The following ITGAM variants were observed in gnomAD, a reference collection of about 807,000 sequenced individuals.
The protein encoded by ITGAM is integrin alpha-M.
A neutral mutation model predicts 137.5 loss-of-function variants in ITGAM; 79 were observed. That is an observed-to-expected ratio of 0.57 (90% CI 0.48 to 0.69). The LOEUF (loss-of-function observed/expected upper bound fraction) is 0.69, where lower values mean the gene tolerates loss of function less well. Among genes scored for constraint, ITGAM ranks in the 30% least tolerant of loss-of-function variants. ITGAM has a pLI of 0.00. For missense variants in ITGAM, 1,343 were observed against 1,483.5 expected (o/e 0.91, Z 1.56); for synonymous variants, 583 against 592.3 (o/e 0.98, Z 0.23).
chr16:31,270,739 ATATATGT>A (rs2079828178), intron 5 of ITGAM, among the ~76,000 whole-genome samples: 1 of 112,692 alleles, frequency 8.9e-6, no homozygotes, highest in Non-Finnish European at 1.8e-5. Flanking sequence ...ATATATATAT[ATATATGT>A]TTTTAACGTG....
intron 9 of ITGAM, among the ~76,000 whole-genome samples, chr16:31,276,271 G>T (rs1250920542): frequency 6.6e-6 from 1 of 152,072 alleles, no homozygotes; most frequent in East Asian, 1.9e-4. Flanking sequence ...TCCTTTGTCT[G>T]TGGCCACCAG....
At position 31,273,385 on chromosome 16, in the gene ITGAM, C is replaced by A. The variant is rs749972434; in HGVS notation, c.725C>A (p.Thr242Asn). 1 of 1,613,704 alleles carries A rather than the reference C, an allele frequency of 6.2e-7. No homozygotes were observed. Among genetic ancestry groups the A allele is most frequent in the Admixed American group, 1.7e-5 (1 of 59,998 alleles). Residue 242 changes from threonine to asparagine, a missense_variant, in exon 8 of 30, where the codon ACC becomes AAC. Coordinates refer to ENST00000544665, the MANE Select transcript of ITGAM (RefSeq NM_000632.4). ...RKVVRELFNI[T>N]NGARKNAFKI... ...CACAGACGAGAGCTGTTTAACATCA[C>A]CAACGGAGCCCGAAAGAATGCCTTT... is the stretch of plus-strand genomic sequence containing the variant.
intron 14 of ITGAM, among the ~76,000 whole-genome samples, chr16:31,299,634 A>G (rs753001854): frequency 2.6e-5 from 4 of 152,092 alleles, no homozygotes; most frequent in Admixed American, 6.6e-5. Context: ...GATAACTCAT[A>G]TAAGTGAAAC....
intron 14 of ITGAM, among the ~76,000 whole-genome samples, chr16:31,304,226 A>C (rs1314440261): frequency 6.6e-6 from 1 of 151,574 alleles, no homozygotes; most frequent in Non-Finnish European, 1.5e-5. Context: ...GATGTTGAGC[A>C]TTTTTTTCAT....
intron 12 of ITGAM, among the ~76,000 whole-genome samples, chr16:31,289,847 C>T (rs866833984): frequency 4.6e-5 from 7 of 152,088 alleles, no homozygotes; most frequent in Middle Eastern, 3.4e-3. Context: ...TTTGGGAGGC[C>T]GAGGCAGGTG....
chr16:31,262,815 A>G (rs1341310572), intron 2 of ITGAM, among the ~76,000 whole-genome samples: 1 of 152,202 alleles, frequency 6.6e-6, no homozygotes, highest in Non-Finnish European at 1.5e-5. Flanking sequence ...TGGAGGTGAT[A>G]GTACCTTTCC....
At chr16:31,320,718 T>C (rs1284347048) in intron 14 of ITGAM, among the ~76,000 whole-genome samples, 2 of 152,252 alleles carry the variant, frequency 1.3e-5, no homozygotes, top group Non-Finnish European at 2.9e-5. Context: ...TTTTGCCACA[T>C]AGTAGCACTC....
intron 6 of ITGAM, 63 bp from the exon 7 acceptor site, chr16:31,271,784 C>T: frequency 1.9e-6 from 3 of 1,596,414 alleles, no homozygotes; most frequent in South Asian, 2.2e-5. Context: ...GTGGAGCTTG[C>T]TGGGAGATGT....
intron 5 of ITGAM, 49 bp from the exon 6 acceptor site, chr16:31,270,905 A>G (rs752001448): frequency 3.7e-6 from 5 of 1,359,254 alleles, no homozygotes; most frequent in East Asian, 2.7e-5. Flanking sequence ...AAAAACCCAA[A>G]ACACCAAGTG....
chr16:31,320,005 G>C (rs2080432416), intron 14 of ITGAM, among the ~76,000 whole-genome samples: 1 of 151,952 alleles, frequency 6.6e-6, no homozygotes, highest in South Asian at 2.1e-4. Flanking sequence ...ATAGAGATGG[G>C]GTTTCACCAC....
intron 14 of ITGAM, among the ~76,000 whole-genome samples, chr16:31,312,502 C>T (rs1413588508): frequency 6.6e-6 from 1 of 152,182 alleles, no homozygotes; most frequent in African/African-American, 2.4e-5. Flanking sequence ...TCATGGCTCA[C>T]TGCAGCCTTG....
chr16:31,310,860 CA>C (rs1462315671), intron 14 of ITGAM, among the ~76,000 whole-genome samples: 1 of 152,160 alleles, frequency 6.6e-6, no homozygotes, highest in Non-Finnish European at 1.5e-5. Context: ...TGGTGACGTA[CA>C]GATGGGTTTT....
At chr16:31,316,755 C>G (rs757738863) in intron 14 of ITGAM, among the ~76,000 whole-genome samples, 6 of 152,050 alleles carry the variant, frequency 3.9e-5, no homozygotes, top group Non-Finnish European at 5.9e-5. Context: ...GGATATCTTT[C>G]CATTGATTTT....
intron 14 of ITGAM, among the ~76,000 whole-genome samples, chr16:31,318,014 T>C (rs1032919795): frequency 2.0e-5 from 3 of 152,168 alleles, no homozygotes; most frequent in Non-Finnish European, 4.4e-5. Flanking sequence ...AATGTTTGGT[T>C]GGTAGAATTT....
At chr16:31,281,452 G>T (rs7198478) in intron 12 of ITGAM, among the ~76,000 whole-genome samples, 9,039 of 151,910 alleles carry the variant, frequency 0.06, 921 homozygotes, top group African/African-American at 0.21. Context: ...TCTTGGGAGG[G>T]TGTATGTGTC....
At chr16:31,271,216 C>T (rs1405270475) in intron 6 of ITGAM, 132 bp downstream of exon 6, 5 of 696,722 alleles carry the variant, frequency 7.2e-6, no homozygotes, top group Non-Finnish European at 1.1e-5. Context: ...GGTTTGCCTT[C>T]CTGAGTCTCT....
Position 31,324,945 on chromosome 16 carries a change from T to C in ITGAM, c.2290-13T>C. Reference sequence around the variant, plus strand: ...TTCTTTCCTTTCATTTGATCATATTTATTTTTTAAAAGTTTCCCTTTGAGA... The same window carrying C: ...TTCTTTCCTTTCATTTGATCATATTCATTTTTTAAAAGTTTCCCTTTGAGA... On this transcript the variant is annotated splice_polypyrimidine_tract_variant and intron_variant, in intron 18 of 29. Coordinates refer to ENST00000544665, the MANE Select transcript of ITGAM (RefSeq NM_000632.4). This position sits in a 1 kb window ranked among gnomAD's most constrained non-coding sequence, Gnocchi z 4.5. The C allele has an allele frequency of 1.2e-6, 2 of 1,603,516 alleles. No homozygotes were observed. The highest frequency in any genetic ancestry group is 1.7e-6 in the Non-Finnish European group (2 of 1,174,474).
At chr16:31,261,083 A>C (rs1055492637) in intron 1 of ITGAM, among the ~76,000 whole-genome samples, 5 of 152,164 alleles carry the variant, frequency 3.3e-5, no homozygotes, top group Non-Finnish European at 7.3e-5. Context: ...TAAGTGTGCT[A>C]ATCCCCGCCC....
chr16:31,262,403 C>CCTT (rs2079715723), intron 2 of ITGAM, among the ~76,000 whole-genome samples: 1 of 95,382 alleles, frequency 1.0e-5, no homozygotes, highest in Admixed American at 1.4e-4. Context: ...TTCCTTCCTT[C>CCTT]ATTTCTTTCT....
Sources: gnomAD v4.1 joint callset for allele counts (sites outside exome capture counted in the v4.1 genomes callset) on GRCh38, gnomAD v4.1.1 for gene constraint, Gnocchi (gnomAD v3.1) non-coding constraint, MANE v1.5 for transcripts, NCBI Gene and HGNC (gene_info 2026-07-23, HGNC 2026-07-21) for gene names.